The following AXL variants were observed in gnomAD, a reference collection of about 807,000 sequenced individuals.
AXL encodes the protein tyrosine-protein kinase receptor UFO.
Under a neutral mutation model 104.5 loss-of-function variants are expected in AXL, and 52 were observed. The ratio of observed to expected loss-of-function variants is 0.50; its 90% CI spans 0.40 to 0.63. The LOEUF (loss-of-function observed/expected upper bound fraction) is 0.63, where lower values mean the gene tolerates loss of function less well. Ranked by LOEUF, AXL falls within the 20% of genes least tolerant of loss-of-function variation. The pLI is 0.00. For synonymous variants in AXL, 455 were observed against 473.7 expected (o/e 0.96, Z 0.51); for missense variants, 1,024 against 1,188.5 (o/e 0.86, Z 2.04).
At chr19:41,248,630 C>G in intron 13 of AXL, 21 bp downstream of exon 13, 1 of 1,613,292 alleles carries the variant, frequency 6.2e-7, no homozygotes, top group Non-Finnish European at 8.5e-7. Flanking sequence ...CGGCAGCATA[C>G]ACACATCCTT....
In AXL at chr19:41,256,485, C is replaced by T. The variant is rs765163375; in HGVS notation, c.2070C>T (p.Asp690=). 6.2e-7 allele frequency: 1 copy of T among 1,613,986 alleles called. No individual in the cohort carries two copies. The highest frequency in any genetic ancestry group is 8.5e-7 in the Non-Finnish European group (1 of 1,179,942). ...LNENMSVCVA[D]FGLSKKIYNG... is the part of the protein sequence containing the mutation. ...AGAACATGTCCGTGTGTGTGGCGGACTTCGGGCTCTCCAAGAAGATCTACA... is the reference window on the plus strand; with the variant it reads ...AGAACATGTCCGTGTGTGTGGCGGATTTCGGGCTCTCCAAGAAGATCTACA... The change falls in exon 18 of 20, where the codon GAC becomes GAT. Residue 690 remains aspartate, a synonymous_variant. Coordinates refer to ENST00000301178, the MANE Select transcript of AXL (RefSeq NM_021913.5).
rs2034527980 is a variant in AXL, at chr19:41,260,797, A to G, written c.*893A>G. Reference sequence around the variant, plus strand: ...GAGTCCTTAAAATGTAAGATTATAGATTCTAAAGATTCTATAGTTCTAGAC... The same window carrying G: ...GAGTCCTTAAAATGTAAGATTATAGGTTCTAAAGATTCTATAGTTCTAGAC... On this transcript the variant is annotated 3_prime_UTR_variant, in exon 20 of 20. Transcript: ENST00000301178. 1 of 152,132 alleles carries G rather than the reference A, an allele frequency of 6.6e-6. No individual in the cohort carries two copies. Among genetic ancestry groups the G allele is most frequent in the African/African-American group, 2.4e-5 (1 of 41,432 alleles). The allele number at this position is 152,132 out of a possible 1,614,324, so 9.4% of individuals were successfully genotyped here.
chr19:41,227,668 A>G (rs560365225), intron 4 of AXL, among the ~76,000 whole-genome samples: 292 of 151,910 alleles, frequency 1.9e-3, no homozygotes, highest in Admixed American at 5.7e-3. Flanking sequence ...TTGTATTTTT[A>G]GTAGAGACGG....
At chr19:41,229,039 T>C (rs2033931388) in intron 4 of AXL, among the ~76,000 whole-genome samples, 1 of 151,456 alleles carries the variant, frequency 6.6e-6, no homozygotes. Context: ...AGCCTCTGCC[T>C]CCCGGGTTCA....
At position 41,224,143 on chromosome 19, in the gene AXL, T is replaced by C. The variant is rs1453551190; in HGVS notation, c.586+2087T>C. On this transcript the variant is annotated intron_variant, in intron 4 of 19. Transcript: ENST00000301178. ...GTGTACCAGTGTCAGCCTGTGTCTG[T>C]CCCTCTTTTTTGTGTTTGTGTGTTC... Among the ~76,000 whole-genome samples the C allele has an allele frequency of 2.6e-5, 4 of 152,046 alleles. No individual in the cohort carries two copies. The East Asian group carries it at 7.7e-4, about 29-fold the overall frequency.
At position 41,239,222 on chromosome 19, in the gene AXL, C is replaced by T. The variant is rs2122237749; in HGVS notation, c.1193C>T (p.Ser398Phe). Residue 398 changes from serine to phenylalanine, a missense_variant, in exon 9 of 20, where the codon TCT (serine) becomes TTT (phenylalanine). By Grantham distance (155) the Ser-to-Phe change is radical. This residue lies in a region of AXL where 332 missense variants were observed against 343.9 expected (regional missense o/e 0.97). Transcript: ENST00000301178. ...EVTLELQGDG[S>F]VSNLTVCVAA... ...ACCCTGGAGCTGCAGGGGGACGGGT[C>T]TGTGTCCAATCTGACAGTGTGTGTG... 6.2e-7 allele frequency: 1 copy of T among 1,613,134 alleles called. No individual in the cohort carries two copies. The highest frequency in any genetic ancestry group is 8.5e-7 in the Non-Finnish European group (1 of 1,179,452).
At chr19:41,252,507 CCTGCTTCTGGCCCTGGGAAGAT>C in intron 15 of AXL, 64 bp downstream of exon 15, 5 of 1,548,380 alleles carry the variant, frequency 3.2e-6, no homozygotes, top group Non-Finnish European at 4.5e-6. Flanking sequence ...AGGGAAGAGC[CCTGCTTCTGGCCCTGGGAAGAT>C]CAAACTTCCA....
At chr19:41,237,302 G>T (rs1202452224) in intron 6 of AXL, among the ~76,000 whole-genome samples, 6 of 152,174 alleles carry the variant, frequency 3.9e-5, no homozygotes, top group Non-Finnish European at 2.9e-5. Flanking sequence ...GAGTGCAGTG[G>T]TGTGATCTTA....
chr19:41,239,517 A>G (rs752216247), intron 9 of AXL, among the ~76,000 whole-genome samples, 177 bp from the exon 10 acceptor site: 1 of 145,278 alleles, frequency 6.9e-6, no homozygotes, highest in Non-Finnish European at 1.5e-5. Flanking sequence ...CCCGTGCCAC[A>G]CCCTCACTCC....
At chr19:41,237,861 C>A in intron 6 of AXL, 83 bp from the exon 7 acceptor site, 2 of 1,358,794 alleles carry the variant, frequency 1.5e-6, no homozygotes, top group Non-Finnish European at 2.1e-6. Context: ...TGTAGTCACA[C>A]CAGACCACCA....
At chr19:41,221,796 C>T in intron 3 of AXL, 84 bp from the exon 4 acceptor site, 1 of 1,469,870 alleles carries the variant, frequency 6.8e-7, no homozygotes, top group Non-Finnish European at 9.1e-7. Flanking sequence ...GTTTGCTGCC[C>T]AAAGCCTACA....
intron 19 of AXL, among the ~76,000 whole-genome samples, 171 bp downstream of exon 19, chr19:41,257,800 G>A (rs1039046013): frequency 6.6e-6 from 1 of 152,200 alleles, no homozygotes; most frequent in Non-Finnish European, 1.5e-5. Context: ...ACTAACCAGT[G>A]GGGTGCAAAT....
chr19:41,222,833 G>C (rs1048203542), intron 4 of AXL, among the ~76,000 whole-genome samples: 16 of 151,220 alleles, frequency 1.1e-4, no homozygotes, highest in African/African-American at 3.9e-4. Context: ...AGGAACCCGA[G>C]AGGCGGAGCT....
chr19:41,241,796 C>T (rs905637993), intron 10 of AXL, among the ~76,000 whole-genome samples: 8 of 151,910 alleles, frequency 5.3e-5, no homozygotes, highest in South Asian at 2.1e-4. Context: ...GAGCTGAGAC[C>T]GGGCCACTGC....
At chr19:41,242,754 C>T in intron 10 of AXL, 129 bp from the exon 11 acceptor site, 1 of 1,230,398 alleles carries the variant, frequency 8.1e-7, no homozygotes, top group Non-Finnish European at 1.2e-6. Flanking sequence ...ATGCATCCAT[C>T]ACACACCTCA....
chr19:41,253,084 T>A (rs2034392991), intron 16 of AXL, 117 bp downstream of exon 16: 2 of 1,148,630 alleles, frequency 1.7e-6, no homozygotes, highest in Non-Finnish European at 2.5e-6. Context: ...CCTGGAGCAT[T>A]TCTTCCAGCA....
At chr19:41,233,135 G>T (rs1298666575) in intron 6 of AXL, among the ~76,000 whole-genome samples, 1 of 151,634 alleles carries the variant, frequency 6.6e-6, no homozygotes, top group Non-Finnish European at 1.5e-5. Context: ...TATTACAGGC[G>T]CCCACCACCA....
Position 41,220,635 on chromosome 19 carries a change from G to C in AXL, c.86-1G>C. The C allele has an allele frequency of 6.4e-7, 1 of 1,566,282 alleles. No individual in the cohort carries two copies. The highest frequency in any genetic ancestry group is 8.7e-7 in the Non-Finnish European group (1 of 1,155,098). ...GCTAACTCTTCCCATCTCCCCTCCA[G>C]GCACGCAGGCTGAAGAAAGTCCCTT... is the stretch of plus-strand genomic sequence containing the variant. On this transcript the variant is annotated splice_acceptor_variant, in intron 1 of 19. Transcript: ENST00000301178. LOFTEE classifies it high-confidence loss of function.
At chr19:41,225,694 G>A (rs74491481) in intron 4 of AXL, among the ~76,000 whole-genome samples, 1 of 152,166 alleles carries the variant, frequency 6.6e-6, no homozygotes, top group Non-Finnish European at 1.5e-5. Context: ...CAGCCCGCGT[G>A]TATATGTGTG....
Sources: gnomAD v4.1 joint callset for allele counts (sites outside exome capture counted in the v4.1 genomes callset) on GRCh38, gnomAD v4.1.1 for gene constraint, gnomAD v4.1.1 regional missense constraint, MANE v1.5 for transcripts, NCBI Gene and HGNC (gene_info 2026-07-23, HGNC 2026-07-21) for gene names.